Variants in UGT1A6 observed in about 807,000 individuals in gnomAD.
UGT1A6 encodes the protein UDP glucuronosyltransferase family 1 member A6, also known as UDP-glucuronosyltransferase 1A6.
In UGT1A6, 32 loss-of-function variants were observed where a neutral mutation model predicts 44.4. The ratio of observed to expected loss-of-function variants is 0.72; its 90% CI spans 0.54 to 0.97. The LOEUF (loss-of-function observed/expected upper bound fraction) is 0.97, where lower values mean the gene tolerates loss of function less well. Among genes scored for constraint, UGT1A6 ranks in the 50% least tolerant of loss-of-function variants. The probability of loss-of-function intolerance (pLI) is 0.00; values close to 1 mark genes in which losing one functional copy is unlikely to be tolerated. For synonymous variants in UGT1A6, 238 were observed against 248.5 expected, an observed-to-expected ratio of 0.96 and a Z score of 0.40; for missense variants, 685 against 661.9, an observed-to-expected ratio of 1.03 and a Z score of -0.38.
intron 1 of UGT1A6, among the ~76,000 whole-genome samples, chr2:233,756,977 A>G (rs1696373315): frequency 6.6e-6 from 1 of 152,008 alleles, no homozygotes; most frequent in South Asian, 2.1e-4. Flanking sequence ...CACGCAATGA[A>G]CAGTCATAGT....
chr2:233,738,530 G>A (rs1226975410), intron 1 of UGT1A6, among the ~76,000 whole-genome samples: 4 of 152,208 alleles, frequency 2.6e-5, no homozygotes, highest in African/African-American at 9.6e-5. Flanking sequence ...GGACAATGAA[G>A]TCCAGGCTGA....
In UGT1A6 at chr2:233,769,925, T is replaced by TG. The variant is rs2126049712; in HGVS notation, c.1301+1488dup. ...CATGTGCCCAGAGCGTTGGGTGGTG[T>TG]GGTCCCATTCCTTCCTTCCAGCGGC... On this transcript the variant is annotated intron_variant, in intron 4 of 4. Transcript: ENST00000305139. This position sits in a 1 kb window ranked among gnomAD's most constrained non-coding sequence, Gnocchi z 4.4. The TG allele has an allele frequency of 3.8e-6, 1 of 266,564 alleles. No individual in the cohort carries two copies. Among genetic ancestry groups the TG allele is most frequent in the Admixed American group, 5.1e-5 (1 of 19,790 alleles). 16.5% of individuals were successfully genotyped at this position (266,564 alleles called of 1,614,324 possible). A position where few individuals can be genotyped will look rare whatever the true frequency, so the allele number is the denominator to read the frequency against.
At chr2:233,717,804 C>G (rs147106885) in intron 1 of UGT1A6, 15 of 456,002 alleles carry the variant, frequency 3.3e-5, no homozygotes, top group African/African-American at 1.6e-4. Context: ...AGTGCCCCCA[C>G]AAATTATGCA....
At chr2:233,723,999 A>C (rs2077152052) in intron 1 of UGT1A6, among the ~76,000 whole-genome samples, 1 of 70,856 alleles carries the variant, frequency 1.4e-5, no homozygotes, top group Non-Finnish European at 2.6e-5. Context: ...TTTCTATTCC[A>C]CAAAGCCGCC....
In UGT1A6 at chr2:233,729,706, A is replaced by G. The variant is rs765358278; in HGVS notation, c.861+35841A>G. 8 of 1,613,874 alleles carry G rather than the reference A, an allele frequency of 5.0e-6. No homozygotes were observed. The East Asian group carries it at 1.6e-4, about 31-fold the overall frequency. ...ACAGTGTCCAAACCCTTCCTCCTAT[A>G]TTCCTAGATTACTAACAACCAATTC... On this transcript the variant is annotated intron_variant, in intron 1 of 4. Transcript: ENST00000305139.
Position 233,719,416 on chromosome 2 carries a change from C to T in UGT1A6, c.861+25551C>T, listed in dbSNP as rs538242607. ...TCCTCCTATATTCCTAAGTTACTAA[C>T]GACCAATTCAGACCACATGACATTC... is the stretch of plus-strand genomic sequence containing the variant. On this transcript the variant is annotated intron_variant, in intron 1 of 4. Coordinates refer to ENST00000305139, the MANE Select transcript of UGT1A6 (RefSeq NM_001072.4). The T allele has an allele frequency of 6.1e-5, 98 of 1,613,984 alleles. 1 individual carries two copies. The Admixed American group carries it at 9.0e-4, about 15-fold the overall frequency.
chr2:233,772,888 G>C lies in UGT1A6; in HGVS notation c.*329G>C. 3.7e-6 allele frequency: 2 copies of C among 534,950 alleles called. No individual in the cohort carries two copies. Among genetic ancestry groups the C allele is most frequent in the Admixed American group, 3.7e-5 (1 of 26,668 alleles). The allele number at this position is 534,950 out of a possible 1,614,324, so 33.1% of individuals were successfully genotyped here. ...CTGTTTGGGAGTGCGGGATTCAAAGGTGGTCCCACGGCTGCCCCTACTGCA... is the reference window on the plus strand; with the variant it reads ...CTGTTTGGGAGTGCGGGATTCAAAGCTGGTCCCACGGCTGCCCCTACTGCA... On this transcript the variant is annotated 3_prime_UTR_variant, in exon 5 of 5. Coordinates refer to ENST00000305139, the MANE Select transcript of UGT1A6 (RefSeq NM_001072.4).
intron 1 of UGT1A6, among the ~76,000 whole-genome samples, chr2:233,710,407 T>G (rs143150461): frequency 6.6e-6 from 1 of 152,346 alleles, no homozygotes; most frequent in Admixed American, 6.5e-5. Context: ...CTGGCTGCTC[T>G]GTATTTGTGC....
At chr2:233,716,242 C>T (rs116835228) in intron 1 of UGT1A6, among the ~76,000 whole-genome samples, 1,736 of 152,272 alleles carry the variant, frequency 0.011, 26 homozygotes, top group African/African-American at 0.04. Flanking sequence ...TTGTCCTGCC[C>T]GGACATCCAG....
At chr2:233,762,034 A>G (rs750851212) in intron 1 of UGT1A6, among the ~76,000 whole-genome samples, 3 of 151,806 alleles carry the variant, frequency 2.0e-5, no homozygotes, top group Non-Finnish European at 2.9e-5. Context: ...ATTTTTTTTA[A>G]TTTTCTGTGC....
At chr2:233,711,358 CT>C (rs2076176304) in intron 1 of UGT1A6, among the ~76,000 whole-genome samples, 1 of 152,218 alleles carries the variant, frequency 6.6e-6, no homozygotes, top group African/African-American at 2.4e-5. Flanking sequence ...GGGGAGCCCC[CT>C]GAATGTGGTG....
chr2:233,716,479 C>T (rs977353468), intron 1 of UGT1A6, among the ~76,000 whole-genome samples: 2 of 152,108 alleles, frequency 1.3e-5, no homozygotes, highest in African/African-American at 4.8e-5. Context: ...TTCTGTCCTC[C>T]GTAGTCTTCT....
intron 1 of UGT1A6, among the ~76,000 whole-genome samples, chr2:233,726,123 A>C (rs2125717570): frequency 6.6e-6 from 1 of 152,290 alleles, no homozygotes; most frequent in South Asian, 2.1e-4. Flanking sequence ...CCATGTTCAC[A>C]CCACCTCACT....
Position 233,772,347 on chromosome 2 carries a change from T to A in UGT1A6, c.1387T>A (p.Phe463Ile), listed in dbSNP as rs1700509286. 9.9e-6 allele frequency: 16 copies of A among 1,614,210 alleles called. No individual in the cohort carries two copies. The highest frequency in any genetic ancestry group is 1.4e-5 in the Non-Finnish European group (16 of 1,180,042). ...GGACCTGGCCGTGTTCTGGGTGGAG[T>A]TTGTGATGAGGCACAAGGGCGCGCC... is the stretch of plus-strand genomic sequence containing the variant. ...PLDLAVFWVE[F>I]VMRHKGAPHL... The change falls in exon 5 of 5, where the codon TTT becomes ATT. Residue 463 changes from phenylalanine (F) to isoleucine (I), a missense_variant. Coordinates refer to ENST00000305139, the MANE Select transcript of UGT1A6 (RefSeq NM_001072.4).
intron 1 of UGT1A6, among the ~76,000 whole-genome samples, chr2:233,725,885 A>G (rs2077481467): frequency 6.6e-6 from 1 of 152,174 alleles, no homozygotes; most frequent in Admixed American, 6.5e-5. Flanking sequence ...AATGATTTGT[A>G]GGCAGGTGGG....
Position 233,769,638 on chromosome 2 carries a change from A to C in UGT1A6, c.1301+1199A>C. 1 of 1,610,122 alleles carries C rather than the reference A, an allele frequency of 6.2e-7. No homozygotes were observed. On this transcript the variant is annotated intron_variant, in intron 4 of 4. Transcript: ENST00000305139. This position sits in a 1 kb window ranked among gnomAD's most constrained non-coding sequence, Gnocchi z 4.4. ...CTTGAGCAAGGGACAACAGGGGAGGACTGATGACTGACTTCCCACCTTTGA... is the reference window on the plus strand; with the variant it reads ...CTTGAGCAAGGGACAACAGGGGAGGCCTGATGACTGACTTCCCACCTTTGA...
chr2:233,697,824 A>G (rs1392359237), intron 1 of UGT1A6, among the ~76,000 whole-genome samples: 2 of 152,174 alleles, frequency 1.3e-5, no homozygotes, highest in East Asian at 3.8e-4. Flanking sequence ...AATTTCAAGA[A>G]AATCTAATTA....
At chr2:233,714,230 T>C (rs2076374680) in intron 1 of UGT1A6, among the ~76,000 whole-genome samples, 1 of 152,196 alleles carries the variant, frequency 6.6e-6, no homozygotes, top group Non-Finnish European at 1.5e-5. Context: ...GGCAAGATTT[T>C]CAGTAGAAAG....
intron 1 of UGT1A6, among the ~76,000 whole-genome samples, chr2:233,698,132 G>A (rs1231040285): frequency 6.6e-6 from 1 of 152,170 alleles, no homozygotes; most frequent in Non-Finnish European, 1.5e-5. Flanking sequence ...CCTTGTTTGT[G>A]TCTCAACTGT....
Sources: allele counts gnomAD v4.1 joint callset (sites outside exome capture counted in the v4.1 genomes callset), GRCh38; gene constraint gnomAD v4.1.1; non-coding constraint Gnocchi (gnomAD v3.1); transcripts MANE v1.5; gene names NCBI Gene and HGNC (gene_info 2026-07-23, HGNC 2026-07-21).